The following AVEN variants were observed in gnomAD, a reference collection of about 807,000 sequenced individuals.
AVEN encodes cell death regulator Aven.
AVEN carries 41 observed loss-of-function variants against 38.1 expected under a neutral mutation model. That is an observed-to-expected ratio of 1.08 (90% CI 0.84 to 1.40). The LOEUF (loss-of-function observed/expected upper bound fraction) is 1.40. Among genes scored for constraint, AVEN ranks in the 40% most tolerant of loss-of-function variants. The pLI is 0.00. For missense variants in AVEN, 605 were observed against 438.8 expected (o/e 1.38, Z -3.38); for synonymous variants, 206 against 171.8 (o/e 1.20, Z -1.56).
rs191458115 is a variant in AVEN, at chr15:33,939,777, T to G, written c.445+63255A>C. Among the ~76,000 whole-genome samples the G allele has an allele frequency of 5.9e-5, 9 of 152,276 alleles. No homozygotes were observed. In the East Asian group the frequency reaches 1.5e-3, roughly 26 times the overall value. On this transcript the variant is annotated intron_variant, in intron 2 of 5. Transcript: ENST00000306730. ...CATTTGTTGAAACACTACCCCCTAATGTAATGGTCTTAGGAGATGGGGCCA... is the reference window on the plus strand; with the variant it reads ...CATTTGTTGAAACACTACCCCCTAAGGTAATGGTCTTAGGAGATGGGGCCA...
chr15:33,855,101 C>G (rs2079510588), downstream of AVEN, among the ~76,000 whole-genome samples: 1 of 152,124 alleles, frequency 6.6e-6, no homozygotes, highest in African/African-American at 2.4e-5. Context: ...GTAACTGCAA[C>G]CATCATCTAA....
At chr15:34,017,129 AG>A (rs66703947) in intron 1 of AVEN, among the ~76,000 whole-genome samples, 71,708 of 151,122 alleles carry the variant, frequency 0.47, 20,370 homozygotes, top group Non-Finnish European at 0.64. Flanking sequence ...CTCTGTCTCA[AG>A]GGGGAAAAAA....
intron 2 of AVEN, among the ~76,000 whole-genome samples, chr15:33,937,011 G>C (rs1894088099): frequency 6.7e-6 from 1 of 150,344 alleles, no homozygotes; most frequent in South Asian, 2.1e-4. Flanking sequence ...GGCGCCTGTA[G>C]TCCCAGCCAC....
At chr15:33,988,371 G>T (rs914740002) in intron 2 of AVEN, among the ~76,000 whole-genome samples, 2 of 152,162 alleles carry the variant, frequency 1.3e-5, no homozygotes, top group African/African-American at 2.4e-5. Context: ...AGAGATATGA[G>T]AATTTTGTAC....
downstream of AVEN, among the ~76,000 whole-genome samples, chr15:33,863,923 G>A (rs1319284461): frequency 1.3e-5 from 2 of 152,154 alleles, no homozygotes; most frequent in Non-Finnish European, 2.9e-5. Context: ...ATGGCAAAAA[G>A]CATCTCTCCT....
At position 34,017,600 on chromosome 15, in the gene AVEN, C is replaced by G. The variant is rs191505597; in HGVS notation, c.268-14391G>C. ...GTTCAAGCAATTCTCCTGCCTGAGTCTCTCAAGTAGCTGTGACTACAGGTG... is the reference window on the plus strand; with the variant it reads ...GTTCAAGCAATTCTCCTGCCTGAGTGTCTCAAGTAGCTGTGACTACAGGTG... On this transcript the variant is annotated intron_variant, in intron 1 of 5. Transcript: ENST00000306730. Among the ~76,000 whole-genome samples the G allele has an allele frequency of 2.3e-4, 34 of 150,588 alleles. No homozygotes were observed. The East Asian group carries it at 5.5e-3, about 24-fold the overall frequency.
chr15:33,866,695 T>C lies in AVEN; in HGVS notation c.1007A>G (p.Asn336Ser). The change falls in exon 6 of 6, where the codon AAC (asparagine) becomes AGC (serine). Residue 336 changes from asparagine (N) to serine (S), a missense_variant. Transcript: ENST00000306730. ...GGTACTTGGTTGCTCAGGTTCCATG[T>C]TTTTTTCTTCAGTCACAGATGGTTT... is the stretch of plus-strand genomic sequence containing the variant. ...CAKPSVTEEK[N>S]MEPEQPSTSK... 6.2e-7 allele frequency: 1 copy of C among 1,613,964 alleles called. No homozygotes were observed. The highest frequency in any genetic ancestry group is 8.5e-7 in the Non-Finnish European group (1 of 1,179,870).
chr15:33,990,559 T>C lies in AVEN; in HGVS notation c.445+12473A>G, dbSNP rs1024132771. ...CTCATTAAGCCATGTCCAGTATAAC[T>C]AGCTTAAATTATCTAATAATAAACA... On this transcript the variant is annotated intron_variant, in intron 2 of 5. Transcript: ENST00000306730. 2.6e-5 allele frequency: 4 copies of C among 152,222 alleles called. No individual in the cohort carries two copies. The South Asian group carries it at 8.3e-4, about 32-fold the overall frequency. 9.4% of individuals were successfully genotyped at this position (152,222 alleles called of 1,614,324 possible).
downstream of AVEN, among the ~76,000 whole-genome samples, chr15:33,862,787 T>G (rs769053754): frequency 2.0e-5 from 3 of 152,080 alleles, no homozygotes; most frequent in Admixed American, 6.5e-5. Flanking sequence ...ATTTTTGTAT[T>G]TTTAGTAGAG....
At chr15:34,014,076 CA>C (rs1414425870) in intron 1 of AVEN, among the ~76,000 whole-genome samples, 1 of 152,116 alleles carries the variant, frequency 6.6e-6, no homozygotes, top group Non-Finnish European at 1.5e-5. Context: ...AAGAAAAACA[CA>C]TTTAGCTGGG....
intron 3 of AVEN, among the ~76,000 whole-genome samples, chr15:33,871,751 G>C (rs115716598): frequency 1.4e-5 from 2 of 144,376 alleles, no homozygotes; most frequent in East Asian, 4.1e-4. Context: ...GTGTTGCGAA[G>C]GTTTCAAACG....
At chr15:33,987,721 G>A (rs1896539270) in intron 2 of AVEN, among the ~76,000 whole-genome samples, 1 of 152,084 alleles carries the variant, frequency 6.6e-6, no homozygotes, top group Non-Finnish European at 1.5e-5. Flanking sequence ...TGTTTCAACT[G>A]CAACAGTGTG....
At chr15:34,029,837 AACAGAG>A (rs765966863) in intron 1 of AVEN, among the ~76,000 whole-genome samples, 3 of 152,228 alleles carry the variant, frequency 2.0e-5, no homozygotes, top group Non-Finnish European at 4.4e-5. Context: ...CCAAATATTG[AACAGAG>A]ACACTCTATT....
At chr15:33,911,229 T>C (rs1892907757) in intron 2 of AVEN, among the ~76,000 whole-genome samples, 2 of 152,114 alleles carry the variant, frequency 1.3e-5, no homozygotes, top group South Asian at 4.2e-4. Flanking sequence ...GCAAAACACA[T>C]GGTTGAAACT....
chr15:33,854,283 A>G (rs931718751), downstream of AVEN: 1 of 813,310 alleles, frequency 1.2e-6, no homozygotes, highest in Non-Finnish European at 2.0e-6. Context: ...TGAGAGCCAT[A>G]TTTAGGTTAT....
chr15:33,991,909 G>T, intron 2 of AVEN: 1 of 153,582 alleles, frequency 6.5e-6, no homozygotes, highest in Admixed American at 6.5e-5. Context: ...AAGCTGCCTA[G>T]GCTGGATCTG....
chr15:33,962,673 A>G (rs1167786530), intron 2 of AVEN, among the ~76,000 whole-genome samples: 1 of 39,050 alleles, frequency 2.6e-5, no homozygotes, highest in Non-Finnish European at 3.1e-4. Context: ...TCCCTGCATA[A>G]TATCTGTCTG....
intron 2 of AVEN, among the ~76,000 whole-genome samples, chr15:33,879,112 C>T (rs996696014): frequency 8.6e-5 from 13 of 151,928 alleles, no homozygotes; most frequent in African/African-American, 1.7e-4. Flanking sequence ...CGTATGTTTA[C>T]TGCGGCACTA....
chr15:33,880,686 T>A (rs115953455), intron 2 of AVEN, among the ~76,000 whole-genome samples: 4,810 of 152,158 alleles, frequency 0.032, 125 homozygotes, highest in African/African-American at 0.063. Context: ...CAATGTCCAA[T>A]ATTCATTAAA....
Sources: gnomAD v4.1 joint callset for allele counts (sites outside exome capture counted in the v4.1 genomes callset) on GRCh38, gnomAD v4.1.1 for gene constraint, MANE v1.5 for transcripts, NCBI Gene and HGNC (gene_info 2026-07-23, HGNC 2026-07-21) for gene names.